The following ITGB6 variants were observed in gnomAD, a reference collection of about 807,000 sequenced individuals.
The protein encoded by ITGB6 is integrin subunit beta 6, also known as integrin beta-6.
ITGB6 carries 80 observed loss-of-function variants against 84.5 expected under a neutral mutation model. The ratio of observed to expected loss-of-function variants is 0.95; its 90% CI spans 0.79 to 1.14. ITGB6 has a LOEUF of 1.14. Among genes scored for constraint, ITGB6 ranks in the 50% most tolerant of loss-of-function variants. The pLI is 0.00. For missense variants in ITGB6, 1,006 were observed against 968.0 expected, an observed-to-expected ratio of 1.04 and a Z score of -0.52; for synonymous variants, 383 against 354.9, an observed-to-expected ratio of 1.08 and a Z score of -0.89.
chr2:160,195,592 G>T lies in ITGB6; in HGVS notation c.370C>A (p.His124Asn). The T allele has an allele frequency of 3.7e-6, 6 of 1,614,066 alleles. No homozygotes were observed. Among genetic ancestry groups the T allele is most frequent in the Non-Finnish European group, 5.1e-6 (6 of 1,179,978 alleles). ...GGGTAGTCCTCAGTCTGGCGGACATGCACCTGCAGAGTCTGCGCACCACCT... is the reference window on the plus strand; with the variant it reads ...GGGTAGTCCTCAGTCTGGCGGACATTCACCTGCAGAGTCTGCGCACCACCT... ...RPGGAQTLQVHVRQTEDYPVD... is the reference protein window; with the variant it reads ...RPGGAQTLQVNVRQTEDYPVD... The change falls in exon 4 of 15, where the codon CAT becomes AAT. Residue 124 changes from histidine to asparagine, a missense_variant. By Grantham distance (68) the His-to-Asn change is moderately conservative. Transcript: ENST00000283249.
At chr2:160,188,402 A>C (rs1198337937) in intron 4 of ITGB6, among the ~76,000 whole-genome samples, 3 of 152,154 alleles carry the variant, frequency 2.0e-5, no homozygotes, top group Non-Finnish European at 2.9e-5. Flanking sequence ...CCATAATAAT[A>C]ATCTTCAGAA....
chr2:160,184,634 C>T (rs911870539), intron 4 of ITGB6, among the ~76,000 whole-genome samples: 1 of 152,124 alleles, frequency 6.6e-6, no homozygotes, highest in Non-Finnish European at 1.5e-5. Flanking sequence ...TTTTATGAGG[C>T]CAGCATCATC....
Position 160,137,696 on chromosome 2 carries a change from T to G in ITGB6, c.1398A>C (p.Lys466Asn). The G allele has an allele frequency of 6.2e-7, 1 of 1,614,166 alleles. No individual in the cohort carries two copies. The highest frequency in any genetic ancestry group is 1.1e-5 in the South Asian group (1 of 91,076). Residue 466 changes from lysine to asparagine, a missense_variant, in exon 10 of 15, where the codon AAA becomes AAC. By Grantham distance (94) the Lys-to-Asn change is moderately conservative. Coordinates refer to ENST00000283249, the MANE Select transcript of ITGB6 (RefSeq NM_000888.5). The stretch of plus-strand genomic sequence containing the variant: ...GGAAAGAGCCGTTCCCGTGGTGACA[T>G]TTGGAGCTGTTCACTTCCACTTCTT... ...CQKEVEVNSS[K>N]CHHGNGSFQC...
At chr2:160,146,090 T>C (rs953171252) in intron 7 of ITGB6, among the ~76,000 whole-genome samples, 26 of 152,184 alleles carry the variant, frequency 1.7e-4, no homozygotes, top group African/African-American at 6.0e-4. Context: ...TCATTTGATA[T>C]AGACCATGTG....
intron 7 of ITGB6, among the ~76,000 whole-genome samples, chr2:160,153,251 T>C (rs1684496451): frequency 6.6e-6 from 1 of 152,048 alleles, no homozygotes; most frequent in Admixed American, 6.6e-5. Context: ...TATAGACCAA[T>C]GGAACTGAAC....
At chr2:160,126,668 G>T (rs910995502) in intron 10 of ITGB6, 67 bp from the exon 11 acceptor site, 19 of 1,441,340 alleles carry the variant, frequency 1.3e-5, no homozygotes, top group Non-Finnish European at 1.7e-5. Context: ...GGGGTGAGGG[G>T]CATCTTTTCT....
chr2:160,121,169 CA>C (rs904885771), intron 12 of ITGB6, among the ~76,000 whole-genome samples: 3 of 151,742 alleles, frequency 2.0e-5, no homozygotes, highest in East Asian at 1.9e-4. Flanking sequence ...TAGCAGTTTT[CA>C]AAAAAACAAA....
intron 5 of ITGB6, 130 bp from the exon 6 acceptor site, chr2:160,172,860 A>G: frequency 1.6e-6 from 1 of 614,676 alleles, no homozygotes; most frequent in South Asian, 2.8e-5. Flanking sequence ...CTTTTTATCT[A>G]TCGTGAATTG....
chr2:160,195,830 T>C (rs2105898284), intron 3 of ITGB6, among the ~76,000 whole-genome samples: 1 of 152,356 alleles, frequency 6.6e-6, no homozygotes, highest in South Asian at 2.1e-4. Context: ...GTTAGGATAT[T>C]TTATCTCTCC....
intron 7 of ITGB6, among the ~76,000 whole-genome samples, chr2:160,143,158 C>T (rs185911741): frequency 8.1e-4 from 123 of 152,090 alleles, no homozygotes; most frequent in African/African-American, 2.7e-3. Flanking sequence ...TGTGGTGGCA[C>T]GCCTGTAGTC....
At position 160,100,820 on chromosome 2, in the gene ITGB6, G is replaced by A. The variant is rs1454717003; in HGVS notation, c.*916C>T. The A allele has an allele frequency of 6.6e-6, 1 of 152,138 alleles. No individual in the cohort carries two copies. Among genetic ancestry groups the A allele is most frequent in the Non-Finnish European group, 1.5e-5 (1 of 67,992 alleles). 9.4% of individuals were successfully genotyped at this position (152,138 alleles called of 1,614,324 possible). A position where few individuals can be genotyped will look rare whatever the true frequency, so the allele number is the denominator to read the frequency against. ...TTAGAGCCATTTAAAATTTTATTGT[G>A]TTTAACACATGTTCCTTTTATATTA... On this transcript the variant is annotated 3_prime_UTR_variant, in exon 15 of 15. Transcript: ENST00000283249.
At position 160,116,609 on chromosome 2, in the gene ITGB6, C is replaced by T. The variant is rs1237519679; in HGVS notation, c.1982-4410G>A. ...GCTAGGAAGAAACTGCATCAACTAA[C>T]GAGCAAAATAACCAGCTAACATCAT... On this transcript the variant is annotated intron_variant, in intron 12 of 14. Coordinates refer to ENST00000283249, the MANE Select transcript of ITGB6 (RefSeq NM_000888.5). Among the ~76,000 whole-genome samples the T allele has an allele frequency of 3.2e-4, 49 of 152,018 alleles. 1 individual carries two copies. Among genetic ancestry groups the T allele is most frequent in the Non-Finnish European group, 4.0e-4 (27 of 67,852 alleles).
At chr2:160,140,589 C>G (rs1381446726) in intron 8 of ITGB6, among the ~76,000 whole-genome samples, 1 of 151,604 alleles carries the variant, frequency 6.6e-6, no homozygotes, top group East Asian at 1.9e-4. Context: ...TGATTCTACA[C>G]ATTAAAACTT....
intron 3 of ITGB6, 42 bp downstream of exon 3, chr2:160,196,174 T>C: frequency 2.0e-6 from 3 of 1,491,460 alleles, no homozygotes; most frequent in Non-Finnish European, 2.8e-6. Context: ...AATTACCATA[T>C]ATGACATTAG....
At chr2:160,175,003 C>T (rs776183157) in intron 4 of ITGB6, among the ~76,000 whole-genome samples, 4 of 152,316 alleles carry the variant, frequency 2.6e-5, no homozygotes, top group South Asian at 4.1e-4. Context: ...GGCTCACTGG[C>T]GTGCATTGTA....
chr2:160,109,739 G>A (rs1227281921), intron 13 of ITGB6, among the ~76,000 whole-genome samples: 2 of 152,194 alleles, frequency 1.3e-5, no homozygotes, highest in Admixed American at 6.5e-5. Flanking sequence ...GGCCCATCGA[G>A]TCCAGGTTGG....
intron 4 of ITGB6, among the ~76,000 whole-genome samples, chr2:160,178,237 G>A (rs1159196182): frequency 6.6e-6 from 1 of 152,174 alleles, no homozygotes; most frequent in East Asian, 1.9e-4. Flanking sequence ...TCCATAAAAT[G>A]GGAATGATCA....
intron 7 of ITGB6, among the ~76,000 whole-genome samples, chr2:160,164,632 G>A (rs1684937085): frequency 6.6e-6 from 1 of 152,040 alleles, no homozygotes; most frequent in South Asian, 2.1e-4. Flanking sequence ...GGAGGCGGAG[G>A]GTGCAGTGAG....
At chr2:160,180,830 T>C (rs1428589379) in intron 4 of ITGB6, among the ~76,000 whole-genome samples, 1 of 152,086 alleles carries the variant, frequency 6.6e-6, no homozygotes, top group Non-Finnish European at 1.5e-5. Flanking sequence ...GGGTGCAGCC[T>C]ACAAAGGGTG....
Sources: allele counts gnomAD v4.1 joint callset (sites outside exome capture counted in the v4.1 genomes callset), GRCh38; gene constraint gnomAD v4.1.1; transcripts MANE v1.5; gene names NCBI Gene and HGNC (gene_info 2026-07-23, HGNC 2026-07-21).